Variants in NPFFR1 observed in about 807,000 individuals in gnomAD.
NPFFR1 encodes neuropeptide FF receptor 1, also known as G-protein coupled receptor 147.
A neutral mutation model predicts 12.7 loss-of-function variants in NPFFR1; 17 were observed. The ratio of observed to expected loss-of-function variants is 1.34; its 90% CI spans 0.92 to 2.01. NPFFR1 has a LOEUF of 2.01. Among genes scored for constraint, NPFFR1 ranks in the 30% most tolerant of loss-of-function variants. NPFFR1 has a pLI of 0.00. For synonymous variants in NPFFR1, 296 were observed against 264.5 expected (o/e 1.12, Z -1.16); for missense variants, 604 against 606.5 (o/e 1.00, Z 0.04).
At position 70,283,872 on chromosome 10, in the gene NPFFR1, T is replaced by C. The variant is rs1840887904; in HGVS notation, c.-196A>G. 6.6e-6 allele frequency among the ~76,000 whole-genome samples: 1 copy of C among 151,946 alleles called. No homozygotes were observed. The highest frequency in any genetic ancestry group is 2.4e-5 in the African/African-American group (1 of 41,370). Reference sequence around the variant, plus strand: ...CCCAGGCCCCGGGCCCTGGCCGGTTTCCCTCCCCTCGGGCTGACTGGCTCC... The same window carrying C: ...CCCAGGCCCCGGGCCCTGGCCGGTTCCCCTCCCCTCGGGCTGACTGGCTCC... On this transcript the variant is annotated 5_prime_UTR_variant, in exon 1 of 4. Transcript: ENST00000277942.
chr10:70,262,979 G>A (rs565500968), intron 2 of NPFFR1, among the ~76,000 whole-genome samples: 19 of 152,208 alleles, frequency 1.2e-4, no homozygotes, highest in Middle Eastern at 3.4e-3. Context: ...GTAATATAGT[G>A]AGACTCTGAC....
At position 70,255,071 on chromosome 10, in the gene NPFFR1, G is replaced by A. The variant is rs1171274328; in HGVS notation, c.1179C>T (p.Ala393=). The A allele has an allele frequency of 6.9e-7, 1 of 1,443,482 alleles. No individual in the cohort carries two copies. Among genetic ancestry groups the A allele is most frequent in the Admixed American group, 2.9e-5 (1 of 34,856 alleles). 89.4% of individuals were successfully genotyped at this position (1,443,482 alleles called of 1,614,324 possible). ...LPSESGPSSG[A]PRPGRLPLRN... ...GCAGCGGGAGGCGGCCGGGCCTGGG[G>A]GCCCCACTGCTAGGGCCCGACTCAG... The change falls in exon 4 of 4, where the codon GCC becomes GCT. Residue 393 remains alanine (A), a synonymous_variant. Coordinates refer to ENST00000277942, the MANE Select transcript of NPFFR1 (RefSeq NM_022146.5). The surrounding 1 kb of genome is among the most constrained non-coding windows in gnomAD (Gnocchi z 4.2).
At position 70,255,491 on chromosome 10, in the gene NPFFR1, GC is replaced by G. The variant is rs1337560807; in HGVS notation, c.758del (p.Gly253AlafsTer207). Reference protein sequence around the residue: ...LCQAPGPAPGGEEAADPRASR... With the variant: ...LCQAPGPAPGXEEAADPRASR... The stretch of plus-strand genomic sequence containing the variant: ...ATGCTCGCGGGTCCGCAGCCTCCTC[GC>G]CCCCGGGGGCCGGGCCCGGGGCCTG... On this transcript the variant is annotated frameshift_variant, in exon 4 of 4. Coordinates refer to ENST00000277942, the MANE Select transcript of NPFFR1 (RefSeq NM_022146.5). LOFTEE classifies it low-confidence loss of function (END_TRUNC). The surrounding 1 kb of genome is among the most constrained non-coding windows in gnomAD (Gnocchi z 4.2). 4.5e-6 allele frequency: 7 copies of G among 1,547,624 alleles called. No individual in the cohort carries two copies. The East Asian group carries it at 1.5e-4, about 33-fold the overall frequency.
rs200754367 is a variant in NPFFR1 at position 70,260,705 on chromosome 10, G to A, written c.357C>T (p.Ser119=). 2,981 of 1,608,860 alleles carry A rather than the reference G, an allele frequency of 1.9e-3. 5 individuals carry two copies. Among genetic ancestry groups the A allele is most frequent in the Middle Eastern group, 3.3e-3 (20 of 6,054 alleles). Residue 119 remains serine (S), a synonymous_variant, in exon 3 of 4, where the codon AGC becomes AGT. Coordinates refer to ENST00000277942, the MANE Select transcript of NPFFR1 (RefSeq NM_022146.5). ...ACACAGACATGCCCTGCACCAAGCC[G>A]CTCATCTTGCATGTGGCATTGTCGA... ...WPFDNATCKM[S]GLVQGMSVSA... is the part of the protein sequence containing the mutation.
At chr10:70,260,342 G>A (rs1840618736) in intron 3 of NPFFR1, among the ~76,000 whole-genome samples, 1 of 152,164 alleles carries the variant, frequency 6.6e-6, no homozygotes, top group African/African-American at 2.4e-5. Flanking sequence ...CAGGATTCCT[G>A]CTGCTCAGGA....
chr10:70,274,001 C>A (rs1840775760), intron 1 of NPFFR1, among the ~76,000 whole-genome samples: 1 of 152,124 alleles, frequency 6.6e-6, no homozygotes, highest in African/African-American at 2.4e-5. Context: ...TTTGTGCCCA[C>A]CTCCCTCCCC....
intron 1 of NPFFR1, among the ~76,000 whole-genome samples, chr10:70,274,141 C>T (rs1840777045): frequency 6.6e-6 from 1 of 152,184 alleles, no homozygotes; most frequent in Admixed American, 6.5e-5. Context: ...CCATGGTGGT[C>T]ACTGACTGCA....
chr10:70,261,791 G>A (rs376188751), intron 2 of NPFFR1, among the ~76,000 whole-genome samples: 26 of 152,224 alleles, frequency 1.7e-4, no homozygotes, highest in African/African-American at 6.3e-4. Context: ...GTTTTGTTTT[G>A]TTTTGTTTGA....
chr10:70,277,694 G>A (rs1840817305), intron 1 of NPFFR1, among the ~76,000 whole-genome samples: 1 of 152,210 alleles, frequency 6.6e-6, no homozygotes, highest in South Asian at 2.1e-4. Context: ...AGAGCTTCTG[G>A]GATGGGTAGG....
At chr10:70,267,693 G>C (rs1158513651) in intron 1 of NPFFR1, among the ~76,000 whole-genome samples, 4 of 152,190 alleles carry the variant, frequency 2.6e-5, no homozygotes, top group Non-Finnish European at 5.9e-5. Flanking sequence ...TCCTCCTGAG[G>C]CCTATTCCAG....
At chr10:70,258,380 A>T (rs1423564057) in intron 3 of NPFFR1, among the ~76,000 whole-genome samples, 1 of 150,802 alleles carries the variant, frequency 6.6e-6, no homozygotes, top group Non-Finnish European at 1.5e-5. Context: ...GGAGGTAAAA[A>T]CCTCCCCCTG....
intron 1 of NPFFR1, chr10:70,278,021 C>G: frequency 1.9e-6 from 1 of 517,496 alleles, no homozygotes. Context: ...CCTAGTCAGT[C>G]ATGAGACCTG....
chr10:70,258,395 A>T (rs1167143422), intron 3 of NPFFR1, among the ~76,000 whole-genome samples: 1 of 152,050 alleles, frequency 6.6e-6, no homozygotes, highest in Non-Finnish European at 1.5e-5. Flanking sequence ...CCCCTGCAGC[A>T]TGGTTCAAAG....
In NPFFR1 at chr10:70,280,869, G is replaced by C. The variant is rs141589250; in HGVS notation, c.7+2801C>G. Among the ~76,000 whole-genome samples the C allele has an allele frequency of 2.0e-5, 3 of 152,166 alleles. No homozygotes were observed. The South Asian group carries it at 6.2e-4, about 32-fold the overall frequency. Reference sequence around the variant, plus strand: ...ACACAAAAATTAGCCAGGCATGATGGCACATGCCTGTAATCCCAGCTACTC... The same window carrying C: ...ACACAAAAATTAGCCAGGCATGATGCCACATGCCTGTAATCCCAGCTACTC... On this transcript the variant is annotated intron_variant, in intron 1 of 3. Transcript: ENST00000277942.
chr10:70,280,631 A>G (rs946524497), intron 1 of NPFFR1, among the ~76,000 whole-genome samples: 3 of 152,192 alleles, frequency 2.0e-5, no homozygotes, highest in African/African-American at 7.2e-5. Flanking sequence ...CTTAGTGAGT[A>G]CTAATATAGG....
At chr10:70,266,883 C>T (rs535631083) in intron 1 of NPFFR1, among the ~76,000 whole-genome samples, 1 of 152,336 alleles carries the variant, frequency 6.6e-6, no homozygotes, top group South Asian at 2.1e-4. Context: ...TAGCCACAGC[C>T]TGCTCCTATT....
At chr10:70,272,941 C>T (rs1346194514) in intron 1 of NPFFR1, among the ~76,000 whole-genome samples, 10 of 152,176 alleles carry the variant, frequency 6.6e-5, no homozygotes, top group African/African-American at 2.2e-4. Flanking sequence ...AAAAAGTGTG[C>T]GTTTATGTGA....
In NPFFR1 at chr10:70,270,927, G is replaced by A. The variant is rs78068422; in HGVS notation, c.8-4536C>T. Among the ~76,000 whole-genome samples the A allele has an allele frequency of 5.4e-3, 824 of 152,298 alleles. 5 individuals are homozygous for A. The highest frequency in any genetic ancestry group is 9.9e-3 in the Non-Finnish European group (672 of 68,026). On this transcript the variant is annotated intron_variant, in intron 1 of 3. Transcript: ENST00000277942. ...GAGATCAGGGTGTATAGTTCTCAAA[G>A]AGGGGTCCCGACCAGCAGTGTCAGC...
At chr10:70,282,310 C>T (rs1166490111) in intron 1 of NPFFR1, among the ~76,000 whole-genome samples, 3 of 152,192 alleles carry the variant, frequency 2.0e-5, no homozygotes, top group African/African-American at 7.2e-5. Context: ...CAGATTCCTT[C>T]TTGTTATTCT....
Sources: gnomAD v4.1 joint callset for allele counts (sites outside exome capture counted in the v4.1 genomes callset) on GRCh38, gnomAD v4.1.1 for gene constraint, Gnocchi (gnomAD v3.1) non-coding constraint, MANE v1.5 for transcripts, NCBI Gene and HGNC (gene_info 2026-07-23, HGNC 2026-07-21) for gene names.